The following TFDP2 variants were observed in gnomAD, a reference collection of about 807,000 sequenced individuals.
TFDP2 encodes transcription factor Dp-2 (E2F dimerization partner 2).
Under a neutral mutation model 59.3 loss-of-function variants are expected in TFDP2, and 17 were observed. The ratio of observed to expected loss-of-function variants is 0.29; its 90% CI spans 0.20 to 0.43. The LOEUF is 0.43. Among genes scored for constraint, TFDP2 ranks in the 20% least tolerant of loss-of-function variants. The pLI is 1.00. For missense variants in TFDP2, 391 were observed against 528.8 expected (o/e 0.74, Z 2.56); for synonymous variants, 180 against 194.7 (o/e 0.92, Z 0.63).
chr3:141,968,191 CT>C (rs35807930), intron 9 of TFDP2, among the ~76,000 whole-genome samples: 44,228 of 132,858 alleles, frequency 0.33, 7,251 homozygotes, highest in African/African-American at 0.4. Flanking sequence ...TCAGTTTCAG[CT>C]TTTTTTTTTT....
chr3:142,086,041 C>T (rs1446490496), intron 3 of TFDP2, among the ~76,000 whole-genome samples: 1 of 152,092 alleles, frequency 6.6e-6, no homozygotes, highest in Non-Finnish European at 1.5e-5. Flanking sequence ...TATCTTCCGC[C>T]CTTGTTCTTT....
chr3:142,069,590 T>G (rs2060176834), intron 3 of TFDP2, among the ~76,000 whole-genome samples: 1 of 152,214 alleles, frequency 6.6e-6, no homozygotes. Flanking sequence ...AGAGTGTTTT[T>G]GTCAAACATT....
At chr3:142,141,012 G>A (rs961472958) in intron 1 of TFDP2, among the ~76,000 whole-genome samples, 4 of 152,224 alleles carry the variant, frequency 2.6e-5, no homozygotes, top group African/African-American at 9.6e-5. Context: ...GCTGAGCTGA[G>A]GTAGGCTCCG....
intron 3 of TFDP2, among the ~76,000 whole-genome samples, chr3:142,049,707 T>C (rs959731642): frequency 6.6e-6 from 1 of 152,200 alleles, no homozygotes; most frequent in Non-Finnish European, 1.5e-5. Flanking sequence ...GAAAATCCTA[T>C]AGAATCTATA....
chr3:142,075,733 A>AT (rs2060422986), intron 3 of TFDP2, among the ~76,000 whole-genome samples: 1 of 130,860 alleles, frequency 7.6e-6, no homozygotes, highest in African/African-American at 2.9e-5. Flanking sequence ...CTGTCTCTAC[A>AT]GAAAAAAAAA....
intron 3 of TFDP2, among the ~76,000 whole-genome samples, chr3:142,045,595 A>G (rs994161836): frequency 6.8e-6 from 1 of 146,738 alleles, no homozygotes; most frequent in African/African-American, 2.5e-5. Context: ...GTCTCTGTCC[A>G]CCTAGGTATT....
At chr3:141,993,866 G>C (rs2271386) in intron 5 of TFDP2, among the ~76,000 whole-genome samples, 1 of 152,096 alleles carries the variant, frequency 6.6e-6, no homozygotes, top group African/African-American at 2.4e-5. Context: ...TTCACTCTGC[G>C]AAATACTGAC....
At chr3:142,101,324 A>C (rs2061310641) in intron 2 of TFDP2, among the ~76,000 whole-genome samples, 2 of 151,764 alleles carry the variant, frequency 1.3e-5, no homozygotes, top group Admixed American at 6.6e-5. Flanking sequence ...ACTTTCAGAC[A>C]ATATCTGAGC....
intron 3 of TFDP2, among the ~76,000 whole-genome samples, chr3:142,051,648 T>A (rs1159478192): frequency 1.3e-5 from 2 of 152,078 alleles, no homozygotes; most frequent in African/African-American, 4.8e-5. Flanking sequence ...CGTACATCAA[T>A]GGAACAGAAC....
chr3:142,089,816 A>T (rs2060939956), intron 3 of TFDP2, among the ~76,000 whole-genome samples: 1 of 152,146 alleles, frequency 6.6e-6, no homozygotes, highest in African/African-American at 2.4e-5. Context: ...CAGTCAAAAA[A>T]GGAAAATAGA....
chr3:142,072,533 G>T (rs2060282683), intron 3 of TFDP2, among the ~76,000 whole-genome samples: 1 of 152,120 alleles, frequency 6.6e-6, no homozygotes, highest in Non-Finnish European at 1.5e-5. Context: ...CATTCTCCAA[G>T]ACAAGGAATC....
At chr3:142,090,233 C>G (rs1049272616) in intron 3 of TFDP2, among the ~76,000 whole-genome samples, 1 of 152,160 alleles carries the variant, frequency 6.6e-6, no homozygotes, top group Admixed American at 6.5e-5. Flanking sequence ...GAGGTTTGAA[C>G]TCCAGGAGTT....
chr3:142,078,589 C>A (rs1055460953), intron 3 of TFDP2, among the ~76,000 whole-genome samples: 2 of 152,186 alleles, frequency 1.3e-5, no homozygotes, highest in Admixed American at 6.5e-5. Flanking sequence ...TAAGGTACCC[C>A]CTAATGCAGA....
intron 4 of TFDP2, among the ~76,000 whole-genome samples, chr3:141,995,500 A>G (rs1292523363): frequency 6.6e-6 from 1 of 152,258 alleles, no homozygotes; most frequent in African/African-American, 2.4e-5. Context: ...CCAGGGCAAC[A>G]GCAAATCACA....
intron 9 of TFDP2, among the ~76,000 whole-genome samples, chr3:141,965,828 T>C (rs937643211): frequency 4.6e-5 from 7 of 151,980 alleles, no homozygotes; most frequent in African/African-American, 1.7e-4. Context: ...TTCATTATTT[T>C]CTGTTGCTAA....
intron 1 of TFDP2, among the ~76,000 whole-genome samples, chr3:142,128,559 G>A (rs940954515): frequency 1.3e-5 from 2 of 152,038 alleles, no homozygotes; most frequent in Non-Finnish European, 2.9e-5. Context: ...TGAACAGATG[G>A]CCAAAGTTTA....
intron 3 of TFDP2, among the ~76,000 whole-genome samples, chr3:142,065,583 CTCACTGCA>C (rs1201093308): frequency 6.6e-6 from 1 of 151,960 alleles, no homozygotes; most frequent in Non-Finnish European, 1.5e-5. Flanking sequence ...GCAATCTCGG[CTCACTGCA>C]ACCTCTGCCT....
intron 3 of TFDP2, among the ~76,000 whole-genome samples, chr3:142,071,297 C>T (rs1201059280): frequency 6.6e-6 from 1 of 152,010 alleles, no homozygotes; most frequent in Non-Finnish European, 1.5e-5. Context: ...GCTGGGATTA[C>T]AGGCGCACAC....
rs193245565 is a variant in TFDP2 at position 142,140,173 on chromosome 3, G to C, written c.-93+9010C>G. On this transcript the variant is annotated intron_variant, in intron 1 of 12. Coordinates refer to ENST00000489671, the MANE Select transcript of TFDP2 (RefSeq NM_001178139.2). The stretch of plus-strand genomic sequence containing the variant: ...TTGATCAAATCGGCCTTTGAAGCTT[G>C]TGCATGCCTCACGAAGTTCTCATGC... Among the ~76,000 whole-genome samples, 75 of 152,174 alleles carry C rather than the reference G, an allele frequency of 4.9e-4. 1 individual carries two copies. Among genetic ancestry groups the C allele is most frequent in the Admixed American group, 4.1e-3 (63 of 15,282 alleles).
Sources: allele counts gnomAD v4.1 joint callset (sites outside exome capture counted in the v4.1 genomes callset), GRCh38; gene constraint gnomAD v4.1.1; transcripts MANE v1.5; gene names NCBI Gene and HGNC (gene_info 2026-07-23, HGNC 2026-07-21).